LETM1: variants seen among roughly 807,000 people sequenced by gnomAD.
LETM1 encodes the protein mitochondrial proton/calcium exchanger protein.
In LETM1, 50 loss-of-function variants were observed where a neutral mutation model predicts 74.5. That is an observed-to-expected ratio of 0.67 (90% CI 0.53 to 0.85). The LOEUF (loss-of-function observed/expected upper bound fraction) is 0.85, where lower values mean the gene tolerates loss of function less well. LETM1 is among the 40% of genes least tolerant of loss of function. The pLI is 0.00. For missense variants in LETM1, 824 were observed against 967.8 expected (o/e 0.85, Z 1.97); for synonymous variants, 446 against 407.1 (o/e 1.10, Z -1.15).
intron 1 of LETM1, among the ~76,000 whole-genome samples, chr4:1,850,642 CAGAAAAAAAAAA>C (rs1713037826): frequency 1.2e-5 from 1 of 83,088 alleles, no homozygotes; most frequent in African/African-American, 4.8e-5. Context: ...GACTCTGTCT[CAGAAAAAAAAAA>C]AAAAAAAAAA....
rs757794150 is a variant in LETM1 at position 1,819,340 on chromosome 4, C to T, written c.1741G>A (p.Glu581Lys). 2.2e-5 allele frequency: 35 copies of T among 1,608,044 alleles called. No individual in the cohort carries two copies. The Admixed American group carries it at 5.6e-4, about 26-fold the overall frequency. Residue 581 changes from glutamate to lysine, a missense_variant and splice_region_variant, in exon 11 of 14, where the codon GAG becomes AAG. By Grantham distance (56) the Glu-to-Lys change is moderately conservative (BLOSUM62 1). Around this residue, in one of 4 missense-constraint regions of LETM1, gnomAD observed 161 missense variants for 252.7 expected, o/e 0.64. Transcript: ENST00000302787. Reference sequence around the variant, plus strand: ...TCCAGGGAGCAAATCCCACCCACCTCGCTGTAGTCCTGCACATCCTCCTTC... The same window carrying T: ...TCCAGGGAGCAAATCCCACCCACCTTGCTGTAGTCCTGCACATCCTCCTTC... ...LLKEDVQDYS[E>K]DLQEIKKELS... is the part of the protein sequence containing the mutation.
rs928223208 is a variant in LETM1, at chr4:1,856,115, G to A, written c.-165C>T. 4 of 366,450 alleles carry A rather than the reference G, an allele frequency of 1.1e-5. No homozygotes were observed. Among genetic ancestry groups the A allele is most frequent in the African/African-American group, 2.1e-5 (1 of 46,738 alleles). The allele number at this position is 366,450 out of a possible 1,614,324, so 22.7% of individuals were successfully genotyped here. ...CGCTCTCCTCAAGGACCCGGCACCAGCGGCGGCCTTGTCCCGGCACAGACG... is the reference window on the plus strand; with the variant it reads ...CGCTCTCCTCAAGGACCCGGCACCAACGGCGGCCTTGTCCCGGCACAGACG... On this transcript the variant is annotated 5_prime_UTR_variant, in exon 1 of 14. Transcript: ENST00000302787.
intron 11 of LETM1, 103 bp downstream of exon 11, chr4:1,819,234 AG>A: frequency 8.2e-7 from 1 of 1,214,492 alleles, no homozygotes; most frequent in Non-Finnish European, 1.1e-6. Context: ...CTCTTTGGCC[AG>A]CTTATCAAGT....
rs145996246 is a variant in LETM1, at chr4:1,841,548, G to A, written c.393C>T (p.Asn131=). The change falls in exon 3 of 14, where the codon AAC becomes AAT. Residue 131 remains asparagine (N), a synonymous_variant. Transcript: ENST00000302787. ...CCGGGCCGCCTTCCTCCAGCTTCTT[G>A]TTCTTGTCCTTCAAGGACTTGAGGG... ...EKSLKSLKDK[N]KKLEEGGPVY... 1.2e-5 allele frequency: 19 copies of A among 1,614,098 alleles called. No individual in the cohort carries two copies. The African/African-American group carries it at 1.7e-4, about 15-fold the overall frequency.
chr4:1,842,822 T>C (rs1712749681), intron 2 of LETM1, among the ~76,000 whole-genome samples: 1 of 152,240 alleles, frequency 6.6e-6, no homozygotes, highest in African/African-American at 2.4e-5. Flanking sequence ...CTATGGTTTG[T>C]GTGCAACACA....
Position 1,813,782 on chromosome 4 carries a change from G to C in LETM1, c.*642C>G, listed in dbSNP as rs1325790486. The C allele has an allele frequency of 6.5e-6, 1 of 153,006 alleles. No individual in the cohort carries two copies. Among genetic ancestry groups the C allele is most frequent in the Non-Finnish European group, 1.5e-5 (1 of 68,620 alleles). The allele number at this position is 153,006 out of a possible 1,614,324, so 9.5% of individuals were successfully genotyped here. On this transcript the variant is annotated 3_prime_UTR_variant, in exon 14 of 14. Transcript: ENST00000302787. ...AAAGAACTGGGGGAAATAGAAAGCCGAGAAAGAGCTCCGATACACAAGGGA... is the reference window on the plus strand; with the variant it reads ...AAAGAACTGGGGGAAATAGAAAGCCCAGAAAGAGCTCCGATACACAAGGGA...
At chr4:1,849,421 T>C (rs1424542266) in intron 1 of LETM1, among the ~76,000 whole-genome samples, 10 of 152,034 alleles carry the variant, frequency 6.6e-5, no homozygotes, top group African/African-American at 2.4e-4. Context: ...CCCACCACCA[T>C]GCCCAGCTAA....
rs1037628115 is a variant in LETM1 at position 1,826,877 on chromosome 4, G to A, written c.1081-1194C>T. On this transcript the variant is annotated intron_variant, in intron 6 of 13. Transcript: ENST00000302787. ...CTGGGGATCACGATACACAATCCAC[G>A]GACGCAGCTCACTGTAGTGCAGTGG... Among the ~76,000 whole-genome samples the A allele has an allele frequency of 7.2e-5, 11 of 152,178 alleles. No individual in the cohort carries two copies. In the South Asian group the frequency reaches 2.1e-3, roughly 29 times the overall value.
In LETM1 at chr4:1,832,935, CT is replaced by C; in HGVS notation, c.888del (p.Glu298ArgfsTer19). On this transcript the variant is annotated frameshift_variant, in exon 6 of 14. Coordinates refer to ENST00000302787, the MANE Select transcript of LETM1 (RefSeq NM_012318.3). LOFTEE classifies it high-confidence loss of function. ...FSVFFQKIRE[T>X]GERPSNEEIM... ...ATTTCCTCATTGCTGGGCCTCTCCC[CT>C]GTTTCCCGGATCTGCGGAAGTGGTC... is the stretch of plus-strand genomic sequence containing the variant. 1.2e-6 allele frequency: 2 copies of C among 1,611,700 alleles called. No individual in the cohort carries two copies. Among genetic ancestry groups the C allele is most frequent in the Non-Finnish European group, 1.7e-6 (2 of 1,179,584 alleles).
chr4:1,841,905 T>G (rs1712715253), intron 2 of LETM1, 108 bp from the exon 3 acceptor site: 2 of 795,326 alleles, frequency 2.5e-6, no homozygotes. Context: ...TGCCATGCCA[T>G]GTCACAACCA....
In LETM1 at chr4:1,812,316, G is replaced by A. The variant is rs1482743200; in HGVS notation, c.*2108C>T. On this transcript the variant is annotated 3_prime_UTR_variant, in exon 14 of 14. Transcript: ENST00000302787. Reference sequence around the variant, plus strand: ...GGAGGTGGAGCTTGCAGTGAGCCGAGATCGCACCACTGCACTCCAGCCTGG... The same window carrying A: ...GGAGGTGGAGCTTGCAGTGAGCCGAAATCGCACCACTGCACTCCAGCCTGG... The A allele has an allele frequency of 1.5e-5, 2 of 131,462 alleles. No homozygotes were observed. The highest frequency in any genetic ancestry group is 5.8e-5 in the African/African-American group (2 of 34,428). The allele number at this position is 131,462 out of a possible 1,614,324, so 8.1% of individuals were successfully genotyped here. A position where few individuals can be genotyped will look rare whatever the true frequency, so the allele number is the denominator to read the frequency against.
At chr4:1,835,383 G>A (rs1712427308) in intron 4 of LETM1, among the ~76,000 whole-genome samples, 1 of 151,976 alleles carries the variant, frequency 6.6e-6, no homozygotes, top group South Asian at 2.1e-4. Flanking sequence ...AGGCTACAGT[G>A]AGCTGAGATT....
chr4:1,834,688 G>A lies in LETM1; in HGVS notation c.876+157C>T, dbSNP rs2108847512. 9.5e-6 allele frequency: 14 copies of A among 1,467,590 alleles called. No homozygotes were observed. The South Asian group carries it at 1.6e-4, about 16-fold the overall frequency. 90.9% of individuals were successfully genotyped at this position (1,467,590 alleles called of 1,614,324 possible). On this transcript the variant is annotated intron_variant, in intron 5 of 13. Transcript: ENST00000302787. The surrounding 1 kb of genome is among the most constrained non-coding windows in gnomAD (Gnocchi z 5.0). ...TGGGAGCTCGTGGGGGCAGACTCCT[G>A]ACACTCCACTGGCCCCCGACTGAGC...
intron 6 of LETM1, among the ~76,000 whole-genome samples, chr4:1,826,199 A>G (rs1327524746): frequency 6.6e-6 from 1 of 152,248 alleles, no homozygotes; most frequent in Non-Finnish European, 1.5e-5. Flanking sequence ...ACAGGTGAAG[A>G]GAGACACGGA....
chr4:1,822,353 A>T (rs1157055308), intron 9 of LETM1, 41 bp from the exon 10 acceptor site: 1 of 1,416,732 alleles, frequency 7.1e-7, no homozygotes, highest in Non-Finnish European at 9.3e-7. Flanking sequence ...CCGCCATCAC[A>T]CAGAAGCAGT....
chr4:1,825,626 G>T lies in LETM1; in HGVS notation c.1138C>A (p.Arg380=). 1 of 1,614,018 alleles carries T rather than the reference G, an allele frequency of 6.2e-7. No individual in the cohort carries two copies. Among genetic ancestry groups the T allele is most frequent in the Non-Finnish European group, 8.5e-7 (1 of 1,179,976 alleles). The change falls in exon 7 of 14, where the codon CGG becomes AGG. Residue 380 remains arginine, a synonymous_variant. Transcript: ENST00000302787. Reference sequence around the variant, plus strand: ...CCCAGGGCCCGCATGCCTCGTGCCCGACACGCTGCCTGCAGCTCCTTGACA... The same window carrying T: ...CCCAGGGCCCGCATGCCTCGTGCCCTACACGCTGCCTGCAGCTCCTTGACA... ...LNVKELQAAC[R]ARGMRALGVT... is the part of the protein sequence containing the mutation.
At chr4:1,822,107 C>T in intron 10 of LETM1, 74 bp downstream of exon 10, 2 of 1,323,902 alleles carry the variant, frequency 1.5e-6, no homozygotes, top group Non-Finnish European at 2.0e-6. Context: ...TGTCCCCATC[C>T]CTGCCCCACA....
intron 9 of LETM1, 112 bp from the exon 10 acceptor site, chr4:1,822,424 G>A: frequency 8.2e-7 from 1 of 1,215,568 alleles, no homozygotes; most frequent in Non-Finnish European, 1.1e-6. Context: ...AGGCCTGCAG[G>A]TGACATTGGG....
intron 3 of LETM1, among the ~76,000 whole-genome samples, chr4:1,837,159 C>T (rs2108849003): frequency 6.6e-6 from 1 of 152,328 alleles, no homozygotes; most frequent in African/African-American, 2.4e-5. Flanking sequence ...GCGGGTGATG[C>T]TGCCCCTCCT....
Sources: allele counts gnomAD v4.1 joint callset (sites outside exome capture counted in the v4.1 genomes callset), GRCh38; gene constraint gnomAD v4.1.1; regional missense constraint gnomAD v4.1.1; non-coding constraint Gnocchi (gnomAD v3.1); transcripts MANE v1.5; gene names NCBI Gene and HGNC (gene_info 2026-07-23, HGNC 2026-07-21).